The following SCCPDH variants were observed in gnomAD, a reference collection of about 807,000 sequenced individuals.
SCCPDH encodes the protein saccharopine dehydrogenase (putative).
SCCPDH carries 34 observed loss-of-function variants against 51.5 expected under a neutral mutation model. The observed-to-expected ratio is 0.66, with a 90% CI of 0.50 to 0.88. The LOEUF is 0.88. Ranked by LOEUF, SCCPDH falls within the 40% of genes least tolerant of loss-of-function variation. The probability of loss-of-function intolerance (pLI) is 0.00; values close to 1 mark genes in which losing one functional copy is unlikely to be tolerated. For synonymous variants in SCCPDH, 187 were observed against 191.3 expected, an observed-to-expected ratio of 0.98 and a Z score of 0.19; for missense variants, 464 against 527.1, an observed-to-expected ratio of 0.88 and a Z score of 1.17.
chr1:246,735,904 G>C (rs2102982010), intron 2 of SCCPDH, 71 bp from the exon 3 acceptor site: 8 of 967,768 alleles, frequency 8.3e-6, no homozygotes, highest in African/African-American at 4.9e-5. Context: ...TTACTTCCAG[G>C]ATTAGATGGC....
At position 246,726,900 on chromosome 1, in the gene SCCPDH, A is replaced by C. The variant is rs768800629; in HGVS notation, c.199A>C (p.Thr67Pro). Residue 67 changes from threonine to proline, a missense_variant, in exon 2 of 12, where the codon ACA (threonine) becomes CCA (proline). Physicochemically the swap from Thr to Pro is conservative, Grantham distance 38 (BLOSUM62 -1). Transcript: ENST00000366510. Reference protein sequence around the residue: ...EKAALKLGRPTLSSEVGIIIC... With the variant: ...EKAALKLGRPPLSSEVGIIIC... ...TTTGTTTCTTATTTTAGGAAGACCAACACTGTCATCTGAAGTTGGAATCAT... is the reference window on the plus strand; with the variant it reads ...TTTGTTTCTTATTTTAGGAAGACCACCACTGTCATCTGAAGTTGGAATCAT... 6.2e-7 allele frequency: 1 copy of C among 1,612,194 alleles called. No individual in the cohort carries two copies. The highest frequency in any genetic ancestry group is 8.5e-7 in the Non-Finnish European group (1 of 1,178,228).
chr1:246,743,917 C>T (rs1668718008), intron 4 of SCCPDH, among the ~76,000 whole-genome samples, 159 bp from the exon 5 acceptor site: 1 of 152,208 alleles, frequency 6.6e-6, no homozygotes, highest in African/African-American at 2.4e-5. Flanking sequence ...AGTCTGTGTA[C>T]AAAAACATAA....
At position 246,740,164 on chromosome 1, in the gene SCCPDH, T is replaced by G; in HGVS notation, c.385-8T>G. The G allele has an allele frequency of 6.4e-7, 1 of 1,562,576 alleles. No homozygotes were observed. Among genetic ancestry groups the G allele is most frequent in the Non-Finnish European group, 8.7e-7 (1 of 1,146,776 alleles). ...AACTAATTAAAATTCTTATCCTGGA[T>G]TTTTTAGTTTCTGGAACTAATGCAA... is the stretch of plus-strand genomic sequence containing the variant. On this transcript the variant is annotated splice_polypyrimidine_tract_variant and splice_region_variant and intron_variant, in intron 3 of 11. Transcript: ENST00000366510.
chr1:246,726,854 A>C, intron 1 of SCCPDH, 38 bp from the exon 2 acceptor site: 42 of 1,373,502 alleles, frequency 3.1e-5, no homozygotes, highest in African/African-American at 1.0e-4. Flanking sequence ...ATAATCCTCT[A>C]CTGGGATTTA....
At chr1:246,734,080 G>C (rs939522591) in intron 2 of SCCPDH, among the ~76,000 whole-genome samples, 1 of 152,166 alleles carries the variant, frequency 6.6e-6, no homozygotes, top group Admixed American at 6.5e-5. Context: ...CAAGTTACTG[G>C]AGTCTACCTC....
At chr1:246,748,870 C>CA (rs548958208) in intron 5 of SCCPDH, among the ~76,000 whole-genome samples, 66 of 152,264 alleles carry the variant, frequency 4.3e-4, no homozygotes, top group Non-Finnish European at 7.4e-4. Context: ...GAATACCCAG[C>CA]AATAGTCCCC....
intron 2 of SCCPDH, 91 bp from the exon 3 acceptor site, chr1:246,735,884 C>A: frequency 1.2e-6 from 1 of 815,346 alleles, no homozygotes; most frequent in Non-Finnish European, 2.0e-6. Context: ...TTCTTGATAA[C>A]TAGGACTGTT....
chr1:246,743,850 T>TA (rs2102984892), intron 4 of SCCPDH, among the ~76,000 whole-genome samples: 1 of 152,330 alleles, frequency 6.6e-6, no homozygotes, highest in East Asian at 1.9e-4. Context: ...CTAATAGAGA[T>TA]AGAGTTTATG....
chr1:246,754,053 A>G (rs1392410826), intron 5 of SCCPDH, among the ~76,000 whole-genome samples: 1 of 151,738 alleles, frequency 6.6e-6, no homozygotes, highest in East Asian at 1.9e-4. Flanking sequence ...GGTCCTGGTT[A>G]GGCCCCATCT....
chr1:246,752,492 A>G (rs1226760835), intron 5 of SCCPDH, among the ~76,000 whole-genome samples: 1 of 152,232 alleles, frequency 6.6e-6, no homozygotes, highest in Non-Finnish European at 1.5e-5. Flanking sequence ...ATAGGGAGAC[A>G]TACAGGGTTT....
chr1:246,756,970 A>G (rs894670833), intron 5 of SCCPDH, among the ~76,000 whole-genome samples: 24 of 152,218 alleles, frequency 1.6e-4, no homozygotes, highest in African/African-American at 5.8e-4. Flanking sequence ...ACATAATACA[A>G]TTATGTACAA....
At chr1:246,757,817 T>C (rs898959257) in intron 5 of SCCPDH, among the ~76,000 whole-genome samples, 1 of 152,062 alleles carries the variant, frequency 6.6e-6, no homozygotes, top group Non-Finnish European at 1.5e-5. Flanking sequence ...CACGGACATA[T>C]CCAGAAATGT....
intron 5 of SCCPDH, among the ~76,000 whole-genome samples, chr1:246,749,663 GTCCTTGC>G (rs1558171620): frequency 6.6e-6 from 1 of 151,930 alleles, no homozygotes. Context: ...GGGGCCGTCC[GTCCTTGC>G]TCTTTGGTGT....
rs765551725 is a variant in SCCPDH, at chr1:246,740,300, T to A, written c.513T>A (p.Asn171Lys). 6.9e-6 allele frequency: 11 copies of A among 1,589,012 alleles called. No individual in the cohort carries two copies. Among genetic ancestry groups the A allele is most frequent in the Non-Finnish European group, 9.5e-6 (11 of 1,163,772 alleles). The change falls in exon 4 of 12, where the codon AAT (asparagine) becomes AAA (lysine). Residue 171 changes from asparagine to lysine, a missense_variant and splice_region_variant. Asn to Lys is a moderately conservative substitution (Grantham distance 94). Coordinates refer to ENST00000366510, the MANE Select transcript of SCCPDH (RefSeq NM_016002.3). The part of the protein sequence containing the change: ...LGVIYTRNKM[N>K]GTLTAVESFL... ...TAATATATACCAGAAATAAAATGAA[T>A]GGTAATTATTGATCAATAAGCAATA...
chr1:246,747,176 C>T (rs1403421867), intron 5 of SCCPDH, among the ~76,000 whole-genome samples: 3 of 151,996 alleles, frequency 2.0e-5, no homozygotes, highest in African/African-American at 7.3e-5. Flanking sequence ...TTCTTTTCTT[C>T]TGCTTTTCTT....
In SCCPDH at chr1:246,740,471, A is replaced by G. The variant is rs552300866; in HGVS notation, c.514+170A>G. 8.5e-5 allele frequency among the ~76,000 whole-genome samples: 13 copies of G among 152,326 alleles called. No individual in the cohort carries two copies. The South Asian group carries it at 2.5e-3, about 29-fold the overall frequency. On this transcript the variant is annotated intron_variant, in intron 4 of 11. Transcript: ENST00000366510. ...ATAGCTGCACTTTTAATAAAATGCTATTGAGACTATTGTTGAGACATGGAT... is the reference window on the plus strand; with the variant it reads ...ATAGCTGCACTTTTAATAAAATGCTGTTGAGACTATTGTTGAGACATGGAT...
At chr1:246,729,142 T>C (rs560417834) in intron 2 of SCCPDH, among the ~76,000 whole-genome samples, 1 of 152,152 alleles carries the variant, frequency 6.6e-6, no homozygotes, top group African/African-American at 2.4e-5. Context: ...GGTATCACAA[T>C]GCAAATGGCA....
chr1:246,764,188 A>G lies in SCCPDH; in HGVS notation c.991-58A>G, dbSNP rs549135141. ...TTGAAATAGAATAGTCGGTTTTACT[A>G]TGTTCCAGGAGGAAATGACGTATTT... is the stretch of plus-strand genomic sequence containing the variant. On this transcript the variant is annotated intron_variant, in intron 9 of 11. Coordinates refer to ENST00000366510, the MANE Select transcript of SCCPDH (RefSeq NM_016002.3). 3.3e-5 allele frequency: 34 copies of G among 1,022,438 alleles called. No individual in the cohort carries two copies. The East Asian group carries it at 3.6e-4, about 11-fold the overall frequency. The allele number at this position is 1,022,438 out of a possible 1,614,324, so 63.3% of individuals were successfully genotyped here.
intron 5 of SCCPDH, among the ~76,000 whole-genome samples, chr1:246,744,586 G>T (rs1420730633): frequency 6.6e-6 from 1 of 152,046 alleles, no homozygotes; most frequent in African/African-American, 2.4e-5. Context: ...CTCCCAAAGT[G>T]CTGGGATTAC....
Sources: gnomAD v4.1 joint callset for allele counts (sites outside exome capture counted in the v4.1 genomes callset) on GRCh38, gnomAD v4.1.1 for gene constraint, MANE v1.5 for transcripts, NCBI Gene and HGNC (gene_info 2026-07-23, HGNC 2026-07-21) for gene names.